EGFR: variants seen among roughly 807,000 people sequenced by gnomAD.
EGFR encodes the protein epidermal growth factor receptor.
In EGFR, 58 loss-of-function variants were observed where a neutral mutation model predicts 143.0. The ratio of observed to expected loss-of-function variants is 0.41; its 90% confidence interval spans 0.33 to 0.50. The LOEUF (loss-of-function observed/expected upper bound fraction) is 0.50. Among genes scored for constraint, EGFR ranks in the 20% least tolerant of loss-of-function variants. EGFR has a pLI of 0.39. For missense variants in EGFR, 1,307 were observed against 1,579.0 expected, an observed-to-expected ratio of 0.83 and a Z score of 2.92; for synonymous variants, 613 against 594.4, an observed-to-expected ratio of 1.03 and a Z score of -0.45.
chr7:55,179,560 G>A (rs1786762755), intron 19 of EGFR, among the ~76,000 whole-genome samples: 1 of 152,240 alleles, frequency 6.6e-6, no homozygotes, highest in Non-Finnish European at 1.5e-5. Context: ...AGGAGGACCA[G>A]AGGCTGGAGG....
chr7:55,186,703 T>C (rs192002438), intron 20 of EGFR, among the ~76,000 whole-genome samples: 172 of 152,364 alleles, frequency 1.1e-3, no homozygotes, highest in Middle Eastern at 3.4e-3. Flanking sequence ...TAGTTATTTC[T>C]TAAGCATTTA....
chr7:55,177,072 GT>G (rs2128955961), intron 19 of EGFR, among the ~76,000 whole-genome samples: 1 of 151,870 alleles, frequency 6.6e-6, no homozygotes, highest in East Asian at 1.9e-4. Context: ...CTTGCCCCAT[GT>G]TTCTTCACTG....
chr7:55,072,923 C>T (rs1789919065), intron 1 of EGFR, among the ~76,000 whole-genome samples: 1 of 152,174 alleles, frequency 6.6e-6, no homozygotes, highest in African/African-American at 2.4e-5. Context: ...CAATTCACTT[C>T]ACTGTCTGGA....
rs142982602 is a variant in EGFR at position 55,130,962 on chromosome 7, T to C, written c.89-11324T>C. On this transcript the variant is annotated intron_variant, in intron 1 of 27. Coordinates refer to ENST00000275493, the MANE Select transcript of EGFR (RefSeq NM_005228.5). ...AGCAGGAGGGCAGGCCGGCAACCTCTGAGTGCTTAGAGAAAGGGACGGGAT... is the reference window on the plus strand; with the variant it reads ...AGCAGGAGGGCAGGCCGGCAACCTCCGAGTGCTTAGAGAAAGGGACGGGAT... 5.8e-4 allele frequency among the ~76,000 whole-genome samples: 89 copies of C among 152,320 alleles called. 2 individuals carry two copies. The highest frequency in any genetic ancestry group is 2.1e-3 in the African/African-American group (86 of 41,582).
chr7:55,157,794 CT>C (rs774337142), intron 11 of EGFR, 41 bp downstream of exon 11: 1 of 1,602,162 alleles, frequency 6.2e-7, no homozygotes, highest in South Asian at 1.1e-5. Flanking sequence ...TTACATTTGC[CT>C]TTTTAGTTGG....
In EGFR at chr7:55,160,238, C is replaced by A. The variant is rs1785628110; in HGVS notation, c.1398C>A (p.Asn466Lys). 6.2e-7 allele frequency: 1 copy of A among 1,614,078 alleles called. No individual in the cohort carries two copies. Among genetic ancestry groups the A allele is most frequent in the Non-Finnish European group, 8.5e-7 (1 of 1,179,998 alleles). Residue 466 changes from asparagine (N) to lysine (K), a missense_variant, in exon 12 of 28, where the codon AAC becomes AAA. Physicochemically the swap from Asn to Lys is moderately conservative, Grantham distance 94 (BLOSUM62 0). Transcript: ENST00000275493. ...ISDGDVIISG[N>K]KNLCYANTIN... ...ATGGAGATGTGATAATTTCAGGAAA[C>A]AAAAATTTGTGCTATGCAAATACAA...
chr7:55,039,118 C>T (rs868749477), intron 1 of EGFR, among the ~76,000 whole-genome samples: 60 of 151,982 alleles, frequency 3.9e-4, no homozygotes, highest in Non-Finnish European at 8.8e-5. Context: ...TGAAAAGGGC[C>T]CATGCGTTAT....
At chr7:55,101,185 C>G (rs1361194341) in intron 1 of EGFR, among the ~76,000 whole-genome samples, 2 of 152,240 alleles carry the variant, frequency 1.3e-5, no homozygotes, top group African/African-American at 4.8e-5. Flanking sequence ...CTCGAGGAAG[C>G]CTGCCCTGTC....
intron 3 of EGFR, among the ~76,000 whole-genome samples, chr7:55,146,347 C>T (rs975979522): frequency 1.3e-5 from 2 of 152,146 alleles, no homozygotes; most frequent in Non-Finnish European, 2.9e-5. Context: ...CTAAACCATT[C>T]TCTTCCTTCC....
intron 1 of EGFR, among the ~76,000 whole-genome samples, chr7:55,022,685 G>T (rs1381907759): frequency 2.6e-5 from 4 of 152,234 alleles, no homozygotes; most frequent in Non-Finnish European, 5.9e-5. Context: ...AGTGGTTTGT[G>T]TGTTAGACCC....
chr7:55,071,381 A>C (rs1271181133), intron 1 of EGFR, among the ~76,000 whole-genome samples: 3 of 152,256 alleles, frequency 2.0e-5, no homozygotes, highest in Non-Finnish European at 4.4e-5. Flanking sequence ...TGTTATATAA[A>C]ATTGTATTTT....
chr7:55,176,068 C>T (rs978749422), intron 19 of EGFR, among the ~76,000 whole-genome samples: 1 of 152,200 alleles, frequency 6.6e-6, no homozygotes, highest in Non-Finnish European at 1.5e-5. Context: ...ACAAGAAATA[C>T]AGGAAGACGG....
At chr7:55,161,732 T>A (rs1206238899) in intron 13 of EGFR, 101 bp downstream of exon 13, 13 of 1,592,758 alleles carry the variant, frequency 8.2e-6, no homozygotes, top group Non-Finnish European at 1.0e-5. Flanking sequence ...CTCTTCCTTT[T>A]ATTCTTTGCC....
At chr7:55,055,377 A>G (rs966549508) in intron 1 of EGFR, among the ~76,000 whole-genome samples, 1 of 152,154 alleles carries the variant, frequency 6.6e-6, no homozygotes, top group Non-Finnish European at 1.5e-5. Flanking sequence ...AGAGTTGAGT[A>G]TCGCTGTTCT....
At chr7:55,068,387 T>C (rs1313433352) in intron 1 of EGFR, among the ~76,000 whole-genome samples, 1 of 152,234 alleles carries the variant, frequency 6.6e-6, no homozygotes, top group Non-Finnish European at 1.5e-5. Context: ...TCTTATTTCC[T>C]GATATCTTGA....
chr7:55,099,455 C>T (rs1791672821), intron 1 of EGFR, among the ~76,000 whole-genome samples: 1 of 152,220 alleles, frequency 6.6e-6, no homozygotes, highest in African/African-American at 2.4e-5. Context: ...GGACAATGTC[C>T]TTGTCTATGA....
rs185635873 is a variant in EGFR, at chr7:55,134,058, C to T, written c.89-8228C>T. 2.5e-4 allele frequency among the ~76,000 whole-genome samples: 38 copies of T among 152,358 alleles called. No homozygotes were observed. The East Asian group carries it at 6.4e-3, about 26-fold the overall frequency. On this transcript the variant is annotated intron_variant, in intron 1 of 27. Coordinates refer to ENST00000275493, the MANE Select transcript of EGFR (RefSeq NM_005228.5). ...CCCAGCACGCTCACTGCTATCTATC[C>T]TCTCACACAGAGGGATTTTGAATCG...
intron 19 of EGFR, among the ~76,000 whole-genome samples, chr7:55,177,618 AC>A (rs1403094389): frequency 6.6e-6 from 1 of 152,216 alleles, no homozygotes; most frequent in Non-Finnish European, 1.5e-5. Context: ...CCCAATTCAT[AC>A]GGTAGAGCCA....
chr7:55,104,865 A>G (rs183035220), intron 1 of EGFR, among the ~76,000 whole-genome samples: 47 of 152,318 alleles, frequency 3.1e-4, no homozygotes, highest in South Asian at 1.2e-3. Flanking sequence ...ATTTATAGTC[A>G]TGTATTGCTT....
Sources: gnomAD v4.1 joint callset for allele counts (sites outside exome capture counted in the v4.1 genomes callset) on GRCh38, gnomAD v4.1.1 for gene constraint, MANE v1.5 for transcripts, NCBI Gene and HGNC (gene_info 2026-07-23, HGNC 2026-07-21) for gene names.